FRMD4A: variants seen among roughly 807,000 people sequenced by gnomAD.
FRMD4A encodes the protein FERM domain-containing protein 4A.
FRMD4A carries 29 observed loss-of-function variants against 129.1 expected under a neutral mutation model. That is an observed-to-expected ratio of 0.22 (90% confidence interval 0.17 to 0.31). The LOEUF (loss-of-function observed/expected upper bound fraction) is 0.31, where lower values mean the gene tolerates loss of function less well. FRMD4A is among the 10% of genes least tolerant of loss of function. The probability of loss-of-function intolerance (pLI) is 1.00; values close to 1 mark genes in which losing one functional copy is unlikely to be tolerated. For missense variants in FRMD4A, 1,272 were observed against 1,375.8 expected (o/e 0.92, Z 1.19); for synonymous variants, 634 against 571.6 (o/e 1.11, Z -1.56).
At chr10:13,880,306 T>G (rs2094532650) in intron 2 of FRMD4A, among the ~76,000 whole-genome samples, 1 of 152,210 alleles carries the variant, frequency 6.6e-6, no homozygotes, top group Non-Finnish European at 1.5e-5. Flanking sequence ...CCCCAAATTC[T>G]GGACTCTTCT....
intron 15 of FRMD4A, chr10:13,684,570 A>C (rs1392116423): frequency 1.0e-6 from 1 of 985,388 alleles, no homozygotes; most frequent in Non-Finnish European, 1.2e-6. Flanking sequence ...AGCCTCTTTC[A>C]GCCTCATTCA....
chr10:14,217,032 G>T (rs79549639), intron 2 of FRMD4A, among the ~76,000 whole-genome samples: 4 of 152,170 alleles, frequency 2.6e-5, no homozygotes, highest in Non-Finnish European at 5.9e-5. Flanking sequence ...GCCGGTCACC[G>T]AACAGGGGGG....
intron 2 of FRMD4A, among the ~76,000 whole-genome samples, chr10:14,295,270 A>G (rs147661177): frequency 8.0e-4 from 122 of 152,294 alleles, no homozygotes; most frequent in African/African-American, 2.8e-3. Context: ...CCCTAGTTTT[A>G]CTGGGAGGAT....
At chr10:13,798,673 C>T (rs1016523856) in intron 4 of FRMD4A, among the ~76,000 whole-genome samples, 2 of 152,124 alleles carry the variant, frequency 1.3e-5, no homozygotes, top group African/African-American at 4.8e-5. Flanking sequence ...GCCGAGATGG[C>T]GCCACCGCAC....
At position 13,889,289 on chromosome 10, in the gene FRMD4A, A is replaced by T. The variant is rs540293805; in HGVS notation, c.46-30377T>A. The stretch of plus-strand genomic sequence containing the variant: ...ATCCACTCCTTAAGGTTGACTCAAG[A>T]GCTCTTTCCTTGGCAACTCTTGCAT... On this transcript the variant is annotated intron_variant, in intron 2 of 24. Transcript: ENST00000357447. Among the ~76,000 whole-genome samples, 37 of 152,326 alleles carry T rather than the reference A, an allele frequency of 2.4e-4. 1 individual carries two copies. In the South Asian group the frequency reaches 7.7e-3, roughly 32 times the overall value.
At chr10:13,794,000 G>A (rs1209899898) in intron 5 of FRMD4A, among the ~76,000 whole-genome samples, 1 of 152,088 alleles carries the variant, frequency 6.6e-6, no homozygotes, top group Non-Finnish European at 1.5e-5. Context: ...TGGGACCCTG[G>A]TGATGAGCCC....
At chr10:14,111,084 G>A (rs373626518) in intron 2 of FRMD4A, among the ~76,000 whole-genome samples, 33 of 152,108 alleles carry the variant, frequency 2.2e-4, no homozygotes, top group African/African-American at 7.5e-4. Context: ...ACAAGTAATC[G>A]CCTAAACATT....
In FRMD4A at chr10:13,971,632, C is replaced by A. The variant is rs1013933818; in HGVS notation, c.46-112720G>T. 2.4e-6 allele frequency: 3 copies of A among 1,263,190 alleles called. No homozygotes were observed. In the African/African-American group the frequency reaches 4.6e-5, roughly 19 times the overall value. 78.2% of individuals were successfully genotyped at this position (1,263,190 alleles called of 1,614,324 possible). On this transcript the variant is annotated intron_variant, in intron 2 of 24. Coordinates refer to ENST00000357447, the MANE Select transcript of FRMD4A (RefSeq NM_018027.5). ...ACCACTTTCCCATGCTTCAAAGAAA[C>A]GAAAGAGGAGCTTCTGGTCCCACCT...
chr10:13,724,899 CAT>C (rs1350876179), intron 12 of FRMD4A, among the ~76,000 whole-genome samples: 2 of 152,146 alleles, frequency 1.3e-5, no homozygotes, highest in African/African-American at 4.8e-5. Flanking sequence ...TCCCCAAAGA[CAT>C]ATCAGCTGCA....
rs1177318257 is a variant in FRMD4A at position 13,741,951 on chromosome 10, G to A, written c.549-1374C>T. On this transcript the variant is annotated intron_variant, in intron 9 of 24. Transcript: ENST00000357447. ...GGCTCACCGCAACCTCTGCCTCCCA[G>A]TTTAAAGCAATTCTTGTGCCTCAGC... is the stretch of plus-strand genomic sequence containing the variant. Among the ~76,000 whole-genome samples the A allele has an allele frequency of 3.3e-5, 5 of 152,192 alleles. No individual in the cohort carries two copies. The East Asian group carries it at 9.6e-4, about 29-fold the overall frequency.
intron 2 of FRMD4A, among the ~76,000 whole-genome samples, chr10:13,874,763 G>T (rs2094472935): frequency 6.6e-6 from 1 of 152,150 alleles, no homozygotes; most frequent in Non-Finnish European, 1.5e-5. Flanking sequence ...ATAGAATAAA[G>T]AATTATTCAC....
intron 2 of FRMD4A, among the ~76,000 whole-genome samples, chr10:14,299,861 G>A (rs551037062): frequency 7.2e-5 from 11 of 152,298 alleles, no homozygotes; most frequent in African/African-American, 2.4e-4. Flanking sequence ...GAGACCGAAG[G>A]AGCAGGCGTC....
chr10:14,322,785 T>G (rs1843114660), intron 2 of FRMD4A, among the ~76,000 whole-genome samples: 2 of 152,218 alleles, frequency 1.3e-5, no homozygotes, highest in Non-Finnish European at 2.9e-5. Context: ...AAATACCGTA[T>G]GTTCCATTAA....
At chr10:14,067,042 G>A (rs949594024) in intron 2 of FRMD4A, among the ~76,000 whole-genome samples, 16 of 152,230 alleles carry the variant, frequency 1.1e-4, no homozygotes, top group African/African-American at 3.9e-4. Flanking sequence ...TCTCGGCTAG[G>A]TGCAGTGGCT....
intron 2 of FRMD4A, among the ~76,000 whole-genome samples, chr10:13,949,850 T>C (rs797019810): frequency 2.0e-5 from 3 of 152,314 alleles, no homozygotes; most frequent in African/African-American, 7.2e-5. Flanking sequence ...CCCTAAACCA[T>C]GGAGATTTCT....
intron 2 of FRMD4A, among the ~76,000 whole-genome samples, chr10:13,991,092 C>T (rs933898075): frequency 2.0e-5 from 3 of 152,158 alleles, no homozygotes; most frequent in South Asian, 2.1e-4. Context: ...CTGTGCTTGG[C>T]GTGCCTGGGC....
At chr10:13,688,562 A>T (rs2085331543) in intron 15 of FRMD4A, among the ~76,000 whole-genome samples, 1 of 152,122 alleles carries the variant, frequency 6.6e-6, no homozygotes, top group African/African-American at 2.4e-5. Flanking sequence ...AAATTAAAAA[A>T]TTTACTATTA....
chr10:13,756,098 C>T (rs928072150), intron 8 of FRMD4A: 1 of 152,214 alleles, frequency 6.6e-6, no homozygotes, highest in Non-Finnish European at 1.5e-5. Flanking sequence ...TAGTGATTAG[C>T]ATCAGTATAT....
At chr10:13,716,124 G>A (rs2088778754) in intron 12 of FRMD4A, among the ~76,000 whole-genome samples, 1 of 152,074 alleles carries the variant, frequency 6.6e-6, no homozygotes, top group Non-Finnish European at 1.5e-5. Flanking sequence ...TGTTTACAAT[G>A]CAAGGAGAAG....
Sources: gnomAD v4.1 joint callset for allele counts (sites outside exome capture counted in the v4.1 genomes callset) on GRCh38, gnomAD v4.1.1 for gene constraint, MANE v1.5 for transcripts, NCBI Gene and HGNC (gene_info 2026-07-23, HGNC 2026-07-21) for gene names.